GPBP1: variants seen among roughly 807,000 people sequenced by gnomAD.
GPBP1 encodes the protein GC-rich promoter binding protein 1, also known as vasculin.
In GPBP1, 13 loss-of-function variants were observed where a neutral mutation model predicts 56.5. The ratio of observed to expected loss-of-function variants is 0.23; its 90% CI spans 0.15 to 0.37. GPBP1 has a LOEUF of 0.37. Ranked by LOEUF, GPBP1 falls within the 10% of genes least tolerant of loss-of-function variation. GPBP1 has a pLI of 1.00. For synonymous variants in GPBP1, 204 were observed against 188.9 expected (o/e 1.08, Z -0.66); for missense variants, 477 against 572.3 (o/e 0.83, Z 1.70).
chr5:57,221,512 C>T (rs1278420661), intron 3 of GPBP1: 3 of 645,196 alleles, frequency 4.6e-6, no homozygotes, highest in Admixed American at 3.1e-5. Flanking sequence ...GATGCTGTAT[C>T]TTCATAATTG....
intron 3 of GPBP1, chr5:57,221,469 TAGGA>T: frequency 1.1e-6 from 1 of 910,322 alleles, no homozygotes; most frequent in Middle Eastern, 2.3e-4. Context: ...TTTGTTATGC[TAGGA>T]AGGATGACAA....
At chr5:57,251,267 A>T in intron 10 of GPBP1, 126 bp downstream of exon 10, 1 of 780,450 alleles carries the variant, frequency 1.3e-6, no homozygotes, top group Non-Finnish European at 2.0e-6. Flanking sequence ...ACCCATTATG[A>T]TATACAGATG....
intron 2 of GPBP1, among the ~76,000 whole-genome samples, chr5:57,187,050 G>T (rs1471732304): frequency 6.6e-6 from 1 of 151,378 alleles, no homozygotes; most frequent in Non-Finnish European, 1.5e-5. Context: ...ATGTATGTTT[G>T]TATGTATTAT....
Position 57,262,679 on chromosome 5 carries a change from C to G in GPBP1, c.1349C>G (p.Thr450Ser), listed in dbSNP as rs752538975. The change falls in exon 12 of 12, where the codon ACT becomes AGT. Residue 450 changes from threonine (T) to serine (S), a missense_variant. Coordinates refer to ENST00000506184, the MANE Select transcript of GPBP1 (RefSeq NM_022913.4). ...AAGTTTGGACCGTGGAAGAACAGCA[C>G]TTTCAAACCCACAACTGAGAATGAT... ...DFKFGPWKNS[T>S]FKPTTENDDT... 6.2e-7 allele frequency: 1 copy of G among 1,613,636 alleles called. No individual in the cohort carries two copies. Among genetic ancestry groups the G allele is most frequent in the East Asian group, 2.2e-5 (1 of 44,868 alleles).
chr5:57,204,271 G>C (rs1233587668), intron 2 of GPBP1, among the ~76,000 whole-genome samples: 1 of 147,084 alleles, frequency 6.8e-6, no homozygotes, highest in African/African-American at 2.5e-5. Flanking sequence ...GTTTTTTTTT[G>C]GTCAGTCTGG....
intron 3 of GPBP1, among the ~76,000 whole-genome samples, chr5:57,228,454 C>CAA (rs566335105): frequency 2.0e-4 from 27 of 134,918 alleles, no homozygotes; most frequent in Non-Finnish European, 2.1e-4. Context: ...GACTCTGTCT[C>CAA]AAAAAAAAAA....
At chr5:57,258,750 G>A (rs1233015759) in intron 10 of GPBP1, among the ~76,000 whole-genome samples, 2 of 152,128 alleles carry the variant, frequency 1.3e-5, no homozygotes, top group Admixed American at 1.3e-4. Flanking sequence ...CAAAGTGCTG[G>A]AATTACAGGC....
chr5:57,233,165 T>C, intron 5 of GPBP1, among the ~76,000 whole-genome samples: 1 of 152,108 alleles, frequency 6.6e-6, no homozygotes, highest in East Asian at 1.9e-4. Flanking sequence ...ACTGGGTAGT[T>C]GAGATAAATG....
At chr5:57,227,238 A>G (rs1469690388) in intron 3 of GPBP1, among the ~76,000 whole-genome samples, 1 of 151,874 alleles carries the variant, frequency 6.6e-6, no homozygotes, top group Admixed American at 6.6e-5. Flanking sequence ...CTTTTAGTGA[A>G]TTTAGTGTAT....
rs148598377 is a variant in GPBP1 at position 57,254,243 on chromosome 5, T to C, written c.1160+3102T>C. The stretch of plus-strand genomic sequence containing the variant: ...CCTTCCCCACGCCCCTCGCTTTTTT[T>C]CCCTTAGATTGCTCCTTCAGAATAA... On this transcript the variant is annotated intron_variant, in intron 10 of 11. Transcript: ENST00000506184. 3.2e-3 allele frequency among the ~76,000 whole-genome samples: 482 copies of C among 152,324 alleles called. 4 individuals are homozygous for C. The highest frequency in any genetic ancestry group is 0.011 in the African/African-American group (456 of 41,574).
intron 2 of GPBP1, among the ~76,000 whole-genome samples, chr5:57,209,235 T>A (rs1755372172): frequency 6.6e-6 from 1 of 152,204 alleles, no homozygotes; most frequent in Admixed American, 6.5e-5. Flanking sequence ...TTAGAATTTA[T>A]GTAAGATCAT....
intron 2 of GPBP1, among the ~76,000 whole-genome samples, chr5:57,204,044 A>G (rs1561336231): frequency 6.6e-6 from 1 of 152,180 alleles, no homozygotes; most frequent in Non-Finnish European, 1.5e-5. Context: ...TTTCTATGCA[A>G]TGCTTAAGTA....
At chr5:57,213,266 G>C (rs1755568155) in intron 2 of GPBP1, among the ~76,000 whole-genome samples, 1 of 151,976 alleles carries the variant, frequency 6.6e-6, no homozygotes. Flanking sequence ...GGCTAGGCTG[G>C]TCTCGAACTC....
chr5:57,194,105 T>C (rs1373464736), intron 2 of GPBP1, among the ~76,000 whole-genome samples: 1 of 152,256 alleles, frequency 6.6e-6, no homozygotes, highest in South Asian at 2.1e-4. Context: ...CATATTAGTA[T>C]GTGTAAAGTT....
intron 8 of GPBP1, among the ~76,000 whole-genome samples, chr5:57,248,681 G>C (rs989802320): frequency 6.6e-6 from 1 of 151,934 alleles, no homozygotes; most frequent in South Asian, 2.1e-4. Flanking sequence ...TGATCCGCCC[G>C]CCTCGGCCTC....
chr5:57,254,593 G>T (rs1741556683), intron 10 of GPBP1, among the ~76,000 whole-genome samples: 1 of 151,918 alleles, frequency 6.6e-6, no homozygotes, highest in African/African-American at 2.4e-5. Context: ...TATTCAGATG[G>T]CTGAGGCATG....
At chr5:57,191,318 TC>T (rs1327539101) in intron 2 of GPBP1, among the ~76,000 whole-genome samples, 1 of 152,048 alleles carries the variant, frequency 6.6e-6, no homozygotes, top group East Asian at 1.9e-4. Context: ...GGTCTTGAAC[TC>T]CGGACCTTAA....
chr5:57,182,472 A>G (rs1014256847), intron 2 of GPBP1, among the ~76,000 whole-genome samples: 1 of 151,894 alleles, frequency 6.6e-6, no homozygotes, highest in African/African-American at 2.4e-5. Context: ...TCCCGGGTTC[A>G]AGTGATTCTC....
chr5:57,238,556 C>T (rs1740653220), intron 6 of GPBP1, among the ~76,000 whole-genome samples: 1 of 151,602 alleles, frequency 6.6e-6, no homozygotes, highest in Non-Finnish European at 1.5e-5. Flanking sequence ...GAAACTCCGT[C>T]TCAAAAAATA....
Sources: allele counts gnomAD v4.1 joint callset (sites outside exome capture counted in the v4.1 genomes callset), GRCh38; gene constraint gnomAD v4.1.1; transcripts MANE v1.5; gene names NCBI Gene and HGNC (gene_info 2026-07-23, HGNC 2026-07-21).